The following RANGAP1 variants were observed in gnomAD, a reference collection of about 807,000 sequenced individuals.
RANGAP1 encodes Ran GTPase activating protein 1.
A neutral mutation model predicts 63.5 loss-of-function variants in RANGAP1; 38 were observed. That is an observed-to-expected ratio of 0.60 (90% confidence interval 0.46 to 0.78). RANGAP1 has a LOEUF of 0.78. Ranked by LOEUF, RANGAP1 falls within the 30% of genes least tolerant of loss-of-function variation. The pLI is 0.00. For missense variants in RANGAP1, 630 were observed against 740.3 expected (o/e 0.85, Z 1.73); for synonymous variants, 329 against 310.5 (o/e 1.06, Z -0.63).
At chr22:41,267,392 T>C (rs1472700881) in intron 4 of RANGAP1, among the ~76,000 whole-genome samples, 1 of 151,964 alleles carries the variant, frequency 6.6e-6, no homozygotes, top group African/African-American at 2.4e-5. Context: ...CTCAGTAACA[T>C]CAATGTGCAC....
intron 1 of RANGAP1, among the ~76,000 whole-genome samples, chr22:41,282,724 T>C (rs1054964974): frequency 4.6e-5 from 7 of 152,232 alleles, no homozygotes; most frequent in African/African-American, 1.7e-4. Context: ...AATGTCTCAA[T>C]GTGTACTGCC....
intron 6 of RANGAP1, among the ~76,000 whole-genome samples, chr22:41,260,540 G>A (rs2034105283): frequency 6.6e-6 from 1 of 152,216 alleles, no homozygotes; most frequent in African/African-American, 2.4e-5. Flanking sequence ...GTTTGCTGAA[G>A]AAAACATTTA....
the RANGAP1 span, among the ~76,000 whole-genome samples, chr22:41,297,607 C>A: frequency 1.1e-4 from 16 of 149,406 alleles, no homozygotes; most frequent in Non-Finnish European, 2.1e-4. Context: ...ACCTTCTTGG[C>A]TCAAGGATCC....
Position 41,245,929 on chromosome 22 carries a change from G to A in RANGAP1, c.*674C>T, listed in dbSNP as rs969148911. 22 of 152,710 alleles carry A rather than the reference G, an allele frequency of 1.4e-4. No individual in the cohort carries two copies. The highest frequency in any genetic ancestry group is 2.6e-4 in the Non-Finnish European group (18 of 68,398). 9.5% of individuals were successfully genotyped at this position (152,710 alleles called of 1,614,324 possible). On this transcript the variant is annotated 3_prime_UTR_variant, in exon 16 of 16. Transcript: ENST00000356244. ...AAGGCCCACTAGGTCCGGGGCCAGCGCAGTCCCAGCAGCTCCTGCTCCTGG... is the reference window on the plus strand; with the variant it reads ...AAGGCCCACTAGGTCCGGGGCCAGCACAGTCCCAGCAGCTCCTGCTCCTGG...
chr22:41,297,923 G>A, the RANGAP1 span, among the ~76,000 whole-genome samples: 4 of 151,110 alleles, frequency 2.6e-5, no homozygotes, highest in East Asian at 3.9e-4. Flanking sequence ...GCAGTGGAAC[G>A]ATCTCGGCTC....
At chr22:41,254,746 G>A (rs1324206346) in intron 10 of RANGAP1, 10 of 640,898 alleles carry the variant, frequency 1.6e-5, no homozygotes, top group Non-Finnish European at 1.9e-5. Context: ...GCCGAGGTGG[G>A]TGGATCATGA....
At chr22:41,250,897 G>A in intron 13 of RANGAP1, 110 bp downstream of exon 13, 1 of 867,434 alleles carries the variant, frequency 1.2e-6, no homozygotes, top group Admixed American at 2.3e-5. Context: ...CCAAAGAGCA[G>A]TTCCCATGAG....
chr22:41,296,342 A>AAAACAAAC, the RANGAP1 span, among the ~76,000 whole-genome samples: 2 of 152,098 alleles, frequency 1.3e-5, no homozygotes, highest in African/African-American at 4.8e-5. Flanking sequence ...TATGAATTTA[A>AAAACAAAC]AAACAAACAA....
chr22:41,254,959 G>A (rs999465962), intron 10 of RANGAP1, among the ~76,000 whole-genome samples: 15 of 148,714 alleles, frequency 1.0e-4, no homozygotes, highest in Admixed American at 4.1e-4. Flanking sequence ...GCAACAGAGC[G>A]AGACTCCATC....
chr22:41,262,325 G>C (rs2034217881), intron 5 of RANGAP1, among the ~76,000 whole-genome samples: 2 of 152,170 alleles, frequency 1.3e-5, no homozygotes, highest in African/African-American at 4.8e-5. Context: ...CGACATAAAA[G>C]AATCACGAGC....
intron 13 of RANGAP1, 106 bp downstream of exon 13, chr22:41,250,901 C>A: frequency 1.1e-6 from 1 of 906,280 alleles, no homozygotes; most frequent in South Asian, 1.5e-5. Context: ...AGAGCAGTTC[C>A]CATGAGAGCG....
intron 1 of RANGAP1, chr22:41,281,625 C>T (rs1481152509): frequency 2.1e-5 from 21 of 986,684 alleles, no homozygotes; most frequent in East Asian, 1.1e-4. Flanking sequence ...TGGTTTCAAC[C>T]GTGGCCGGGA....
chr22:41,261,751 C>T (rs1421802703), intron 5 of RANGAP1, among the ~76,000 whole-genome samples, 171 bp from the exon 6 acceptor site: 1 of 152,162 alleles, frequency 6.6e-6, no homozygotes, highest in Non-Finnish European at 1.5e-5. Context: ...TCCAGCACTT[C>T]AGTTACACAA....
Position 41,274,748 on chromosome 22 carries a change from G to A in RANGAP1, c.113-21C>T, listed in dbSNP as rs767405608. On this transcript the variant is annotated intron_variant, in intron 2 of 15. Transcript: ENST00000356244. The stretch of plus-strand genomic sequence containing the variant: ...TTTAGCTGCCAGGGACCAAAGAGCA[G>A]AACCTTAGGCTTTTGGAATCACAAA... The A allele has an allele frequency of 9.9e-6, 16 of 1,613,320 alleles. No individual in the cohort carries two copies. In the East Asian group the frequency reaches 2.5e-4, roughly 25 times the overall value.
At chr22:41,252,087 C>T (rs139502) in intron 12 of RANGAP1, among the ~76,000 whole-genome samples, 58,892 of 151,920 alleles carry the variant, frequency 0.39, 12,130 homozygotes, top group Non-Finnish European at 0.45. Context: ...AACCCTAGCA[C>T]TTTGGGAGGC....
At chr22:41,255,937 G>C (rs1246179415) in intron 10 of RANGAP1, 84 bp downstream of exon 10, 33 of 1,377,876 alleles carry the variant, frequency 2.4e-5, no homozygotes, top group Non-Finnish European at 2.6e-5. Context: ...CTGGGGAACA[G>C]AGCAAGACTC....
At chr22:41,275,447 A>G (rs139527) in intron 2 of RANGAP1, among the ~76,000 whole-genome samples, 148,759 of 151,592 alleles carry the variant, frequency 0.98, 73,006 homozygotes, top group Middle Eastern at 1. Context: ...AGCCGAGATC[A>G]TGTCACTGCA....
chr22:41,245,749 C>G lies in RANGAP1; in HGVS notation c.*854G>C, dbSNP rs1437122744. On this transcript the variant is annotated 3_prime_UTR_variant, in exon 16 of 16. Transcript: ENST00000356244. ...TCTGCCCAGTCCAGACCCTACCGCT[C>G]CCCTGCCCCAGGAGGTCCTTTAAGA... is the stretch of plus-strand genomic sequence containing the variant. The G allele has an allele frequency of 6.6e-6, 1 of 152,438 alleles. No homozygotes were observed. Among genetic ancestry groups the G allele is most frequent in the Non-Finnish European group, 1.5e-5 (1 of 68,232 alleles). The allele number at this position is 152,438 out of a possible 1,614,324, so 9.4% of individuals were successfully genotyped here.
chr22:41,246,582 G>T lies in RANGAP1; in HGVS notation c.*21C>A. On this transcript the variant is annotated 3_prime_UTR_variant, in exon 16 of 16. Transcript: ENST00000356244. Reference sequence around the variant, plus strand: ...TCCCCAGCTCACTGGTCCAGGCCAAGGGATGGGAGAGGCTTTGAGTCTAGA... The same window carrying T: ...TCCCCAGCTCACTGGTCCAGGCCAATGGATGGGAGAGGCTTTGAGTCTAGA... 1 of 1,533,776 alleles carries T rather than the reference G, an allele frequency of 6.5e-7. No homozygotes were observed. Among genetic ancestry groups the T allele is most frequent in the Non-Finnish European group, 8.9e-7 (1 of 1,126,326 alleles).
Sources: allele counts gnomAD v4.1 joint callset (sites outside exome capture counted in the v4.1 genomes callset), GRCh38; gene constraint gnomAD v4.1.1; transcripts MANE v1.5; gene names NCBI Gene and HGNC (gene_info 2026-07-23, HGNC 2026-07-21).